CADM2: variants seen among roughly 807,000 people sequenced by gnomAD.
CADM2 encodes immunoglobulin superfamily member 4D.
In CADM2, 12 loss-of-function variants were observed where a neutral mutation model predicts 49.8. The ratio of observed to expected loss-of-function variants is 0.24; its 90% confidence interval spans 0.15 to 0.39. The LOEUF (loss-of-function observed/expected upper bound fraction) is 0.39. Among genes scored for constraint, CADM2 ranks in the 10% least tolerant of loss-of-function variants. The pLI is 1.00. For synonymous variants in CADM2, 214 were observed against 175.4 expected, an observed-to-expected ratio of 1.22 and a Z score of -1.74; for missense variants, 378 against 492.3, an observed-to-expected ratio of 0.77 and a Z score of 2.20.
intron 1 of CADM2, among the ~76,000 whole-genome samples, chr3:85,161,862 C>G (rs575783030): frequency 6.6e-6 from 1 of 151,966 alleles, no homozygotes; most frequent in South Asian, 2.1e-4. Context: ...ACTAAGGAAA[C>G]AAAAATTAGC....
At chr3:85,924,353 G>T (rs1388575260) in intron 6 of CADM2, among the ~76,000 whole-genome samples, 5 of 152,036 alleles carry the variant, frequency 3.3e-5, no homozygotes, top group Non-Finnish European at 1.5e-5. Context: ...ACTTTGGGAG[G>T]CCAAGGCAGA....
intron 1 of CADM2, among the ~76,000 whole-genome samples, chr3:85,262,805 C>T (rs952299360): frequency 2.0e-5 from 3 of 150,864 alleles, no homozygotes; most frequent in Non-Finnish European, 3.0e-5. Context: ...TTTTATAGAA[C>T]GTATAAGATC....
rs554358194 is a variant in CADM2, at chr3:85,862,131, A to G, written c.239-21160A>G. Among the ~76,000 whole-genome samples, 5 of 152,238 alleles carry G rather than the reference A, an allele frequency of 3.3e-5. No individual in the cohort carries two copies. In the South Asian group the frequency reaches 1.0e-3, roughly 32 times the overall value. On this transcript the variant is annotated intron_variant, in intron 3 of 9. Transcript: ENST00000383699. ...CTTTGATCATAATTCTGTGTATTTTATTCTCAAAACTTTCTTTAGCTAATG... is the reference window on the plus strand; with the variant it reads ...CTTTGATCATAATTCTGTGTATTTTGTTCTCAAAACTTTCTTTAGCTAATG...
At chr3:85,935,209 T>C (rs756653494) in intron 6 of CADM2, among the ~76,000 whole-genome samples, 2 of 152,144 alleles carry the variant, frequency 1.3e-5, no homozygotes, top group Non-Finnish European at 2.9e-5. Context: ...TAAATGCTAT[T>C]GGAAGTGACT....
intron 1 of CADM2, among the ~76,000 whole-genome samples, chr3:85,150,100 T>C (rs1187414518): frequency 1.3e-5 from 2 of 152,210 alleles, no homozygotes; most frequent in Non-Finnish European, 2.9e-5. Context: ...CATAATCCTA[T>C]CAACTACATA....
intron 8 of CADM2, chr3:86,013,795 G>A (rs1731848497): frequency 6.3e-7 from 1 of 1,588,860 alleles, no homozygotes; most frequent in African/African-American, 1.3e-5. Context: ...GAGAAGTGGG[G>A]ATTAAATATG....
intron 8 of CADM2, among the ~76,000 whole-genome samples, chr3:85,968,503 T>C (rs1304590448): frequency 6.6e-6 from 1 of 151,670 alleles, no homozygotes; most frequent in Non-Finnish European, 1.5e-5. Flanking sequence ...AATATTTCTA[T>C]GTGCTAGATG....
intron 8 of CADM2, among the ~76,000 whole-genome samples, chr3:86,062,616 A>T (rs964216598): frequency 8.0e-5 from 12 of 150,540 alleles, no homozygotes; most frequent in African/African-American, 2.7e-4. Flanking sequence ...TGTCTCTACT[A>T]AAAAAATACA....
At chr3:85,891,050 T>G (rs11919968) in intron 5 of CADM2, among the ~76,000 whole-genome samples, 5,484 of 152,174 alleles carry the variant, frequency 0.036, 323 homozygotes, top group African/African-American at 0.12. Flanking sequence ...AAAAGTAAAA[T>G]GAAACAATCA....
chr3:85,040,388 T>A (rs997850018), intron 1 of CADM2, among the ~76,000 whole-genome samples: 2 of 152,224 alleles, frequency 1.3e-5, no homozygotes, highest in South Asian at 2.1e-4. Context: ...AATCAACAAG[T>A]CTATCTTTGT....
chr3:85,120,098 C>T (rs1575914265), intron 1 of CADM2, among the ~76,000 whole-genome samples: 1 of 152,190 alleles, frequency 6.6e-6, no homozygotes, highest in Non-Finnish European at 1.5e-5. Context: ...CTCATTAACA[C>T]TGGTCATCAG....
At chr3:85,044,942 C>A (rs1483062824) in intron 1 of CADM2, among the ~76,000 whole-genome samples, 3 of 151,706 alleles carry the variant, frequency 2.0e-5, no homozygotes, top group Non-Finnish European at 4.4e-5. Context: ...TCCTTTGGTT[C>A]ATGATAGCTG....
At chr3:85,608,432 T>G (rs1452382878) in intron 1 of CADM2, among the ~76,000 whole-genome samples, 2 of 152,150 alleles carry the variant, frequency 1.3e-5, no homozygotes, top group African/African-American at 4.8e-5. Flanking sequence ...TATTTTTGTT[T>G]ACATTCTATT....
At chr3:85,334,261 G>A (rs2045016299) in intron 1 of CADM2, among the ~76,000 whole-genome samples, 1 of 151,466 alleles carries the variant, frequency 6.6e-6, no homozygotes, top group Non-Finnish European at 1.5e-5. Context: ...AGGTAGTTGG[G>A]TCATTAAATA....
At chr3:86,050,427 C>T (rs1448980156) in intron 8 of CADM2, among the ~76,000 whole-genome samples, 1 of 152,186 alleles carries the variant, frequency 6.6e-6, no homozygotes, top group Non-Finnish European at 1.5e-5. Context: ...GTCAGTGGAT[C>T]TACCATTCTG....
intron 1 of CADM2, among the ~76,000 whole-genome samples, chr3:85,120,163 A>G (rs2326128): frequency 0.72 from 109,532 of 152,076 alleles, 40,375 homozygotes; most frequent in African/African-American, 0.86. Flanking sequence ...TTAGAATGGC[A>G]ATCATTAAAA....
At chr3:85,089,877 G>T (rs1490194645) in intron 1 of CADM2, among the ~76,000 whole-genome samples, 1 of 152,090 alleles carries the variant, frequency 6.6e-6, no homozygotes, top group Non-Finnish European at 1.5e-5. Flanking sequence ...TTGAGATTTT[G>T]ATGTGCCAAA....
At chr3:84,961,527 G>C (rs183378754) in intron 1 of CADM2, among the ~76,000 whole-genome samples, 1 of 152,094 alleles carries the variant, frequency 6.6e-6, no homozygotes, top group African/African-American at 2.4e-5. Context: ...TGTCTGACAC[G>C]TTACTTAGGT....
At position 85,132,334 on chromosome 3, in the gene CADM2, A is replaced by C. The variant is rs561996109; in HGVS notation, c.61+172666A>C. Among the ~76,000 whole-genome samples, 6 of 152,326 alleles carry C rather than the reference A, an allele frequency of 3.9e-5. No individual in the cohort carries two copies. The East Asian group carries it at 1.2e-3, about 29-fold the overall frequency. Reference sequence around the variant, plus strand: ...CTTTAACTGGCCTTATATTGTCCATAGTAATCCACAATGGAATGATTTAAT... The same window carrying C: ...CTTTAACTGGCCTTATATTGTCCATCGTAATCCACAATGGAATGATTTAAT... On this transcript the variant is annotated intron_variant, in intron 1 of 9. Transcript: ENST00000383699.
Sources: gnomAD v4.1 joint callset for allele counts (sites outside exome capture counted in the v4.1 genomes callset) on GRCh38, gnomAD v4.1.1 for gene constraint, MANE v1.5 for transcripts, NCBI Gene and HGNC (gene_info 2026-07-23, HGNC 2026-07-21) for gene names.